The following PREX2 variants were observed in gnomAD, a reference collection of about 807,000 sequenced individuals.
PREX2 encodes phosphatidylinositol-3,4,5-trisphosphate dependent Rac exchange factor 2.
PREX2 carries 107 observed loss-of-function variants against 203.2 expected under a neutral mutation model. The ratio of observed to expected loss-of-function variants is 0.53; its 90% CI spans 0.45 to 0.62. The LOEUF (loss-of-function observed/expected upper bound fraction) is 0.62. PREX2 is among the 20% of genes least tolerant of loss of function. PREX2 has a pLI of 0.00. For missense variants in PREX2, 1,777 were observed against 1,955.9 expected (o/e 0.91, Z 1.72); for synonymous variants, 672 against 663.6 (o/e 1.01, Z -0.19).
intron 37 of PREX2, among the ~76,000 whole-genome samples, chr8:68,213,498 A>G (rs1423089498): frequency 2.6e-5 from 4 of 152,236 alleles, no homozygotes; most frequent in Non-Finnish European, 5.9e-5. Flanking sequence ...AATGTTTGGC[A>G]AAAGAATAAA....
intron 37 of PREX2, among the ~76,000 whole-genome samples, chr8:68,193,068 C>T (rs1471535510): frequency 6.6e-6 from 1 of 152,116 alleles, no homozygotes; most frequent in Non-Finnish European, 1.5e-5. Flanking sequence ...TTATCTTAGG[C>T]AACTGTGGTC....
chr8:68,031,885 G>T (rs900192928), intron 6 of PREX2, among the ~76,000 whole-genome samples: 3 of 152,184 alleles, frequency 2.0e-5, no homozygotes, highest in Non-Finnish European at 4.4e-5. Context: ...GCTTTAAATT[G>T]CAGAATTTGT....
intron 19 of PREX2, among the ~76,000 whole-genome samples, chr8:68,088,706 GGATA>G (rs1809775951): frequency 6.6e-6 from 1 of 152,076 alleles, no homozygotes; most frequent in Admixed American, 6.6e-5. Flanking sequence ...ACATATAGAT[GGATA>G]GACAGTTAAA....
intron 1 of PREX2, among the ~76,000 whole-genome samples, chr8:67,990,791 G>A (rs1422692568): frequency 1.3e-5 from 2 of 151,994 alleles, no homozygotes; most frequent in Non-Finnish European, 2.9e-5. Context: ...GATTACAGGC[G>A]TGAGCCACCG....
intron 1 of PREX2, among the ~76,000 whole-genome samples, chr8:67,994,843 AG>A (rs36020491): frequency 1.3e-5 from 2 of 152,202 alleles, no homozygotes; most frequent in African/African-American, 4.8e-5. Flanking sequence ...TGTAAAATCC[AG>A]GGGAAATATG....
At chr8:68,228,977 A>C (rs895028106) in intron 39 of PREX2, among the ~76,000 whole-genome samples, 3 of 151,308 alleles carry the variant, frequency 2.0e-5, no homozygotes, top group African/African-American at 7.3e-5. Flanking sequence ...AGAAAGAAAA[A>C]AATGGCTATG....
At chr8:68,131,290 G>T (rs193072349) in intron 31 of PREX2, among the ~76,000 whole-genome samples, 1 of 152,176 alleles carries the variant, frequency 6.6e-6, no homozygotes, top group African/African-American at 2.4e-5. Context: ...TGAGATGATG[G>T]TTTGTAAAAA....
In PREX2 at chr8:67,976,646, G is replaced by GAGAGAGAGAGAC. The variant is rs796931136; in HGVS notation, c.141+24112_141+24123dup. 2.9e-5 allele frequency among the ~76,000 whole-genome samples: 3 copies of GAGAGAGAGAGAC among 105,174 alleles called. 1 individual carries two copies. The allele number at this position is 105,174 out of a possible 152,430, so 69.0% of individuals were successfully genotyped here. A position where few individuals can be genotyped will look rare whatever the true frequency, so the allele number is the denominator to read the frequency against. ...GAGAGAGAGAGACGGGAGAGAGACA[G>GAGAGAGAGAGAC]AGAGAGAGAGACGGGAGAGAGACAG... On this transcript the variant is annotated intron_variant, in intron 1 of 39. Transcript: ENST00000288368.
At chr8:68,134,385 G>A in intron 32 of PREX2, 109 bp downstream of exon 32, 1 of 855,352 alleles carries the variant, frequency 1.2e-6, no homozygotes, top group Non-Finnish European at 1.8e-6. Context: ...CTCTATGAAT[G>A]TGCGTGCATT....
intron 4 of PREX2, among the ~76,000 whole-genome samples, chr8:68,022,428 C>T (rs1455480771): frequency 6.6e-6 from 1 of 152,052 alleles, no homozygotes; most frequent in African/African-American, 2.4e-5. Flanking sequence ...TGCTTTATAG[C>T]CCCAGTTCCC....
chr8:68,079,572 C>T (rs947179190), intron 15 of PREX2, among the ~76,000 whole-genome samples: 2 of 110,866 alleles, frequency 1.8e-5, no homozygotes, highest in Admixed American at 8.5e-5. Context: ...TTCTGCTGTG[C>T]CCTGGGATCA....
chr8:68,044,138 T>G (rs936269213), intron 7 of PREX2, among the ~76,000 whole-genome samples: 9 of 152,086 alleles, frequency 5.9e-5, no homozygotes, highest in Non-Finnish European at 1.5e-5. Flanking sequence ...TGAAAGAAAC[T>G]CAAATGAAAT....
intron 11 of PREX2, among the ~76,000 whole-genome samples, chr8:68,064,944 C>A (rs1292814228): frequency 1.3e-5 from 2 of 152,106 alleles, no homozygotes; most frequent in African/African-American, 4.8e-5. Flanking sequence ...ACCTAGAGAG[C>A]CAGTTGTTAA....
chr8:68,173,439 A>G (rs1384632058), intron 35 of PREX2, among the ~76,000 whole-genome samples: 4 of 152,184 alleles, frequency 2.6e-5, no homozygotes, highest in African/African-American at 9.6e-5. Context: ...GTATAATTCT[A>G]TGAAACCTTG....
intron 35 of PREX2, among the ~76,000 whole-genome samples, chr8:68,168,971 A>G (rs943607013): frequency 2.0e-5 from 3 of 151,606 alleles, no homozygotes; most frequent in African/African-American, 4.9e-5. Context: ...TGTTTAGATT[A>G]TAAGTTTCAG....
chr8:68,091,594 C>T (rs1809875878), intron 20 of PREX2, among the ~76,000 whole-genome samples: 1 of 152,090 alleles, frequency 6.6e-6, no homozygotes, highest in African/African-American at 2.4e-5. Flanking sequence ...AATAACTGAT[C>T]AGTTTTACTT....
intron 1 of PREX2, among the ~76,000 whole-genome samples, chr8:68,008,158 T>C (rs1271435615): frequency 1.3e-5 from 2 of 152,200 alleles, no homozygotes; most frequent in Admixed American, 1.3e-4. Context: ...CTGGACTGCC[T>C]GTTGTCCCAA....
At chr8:68,111,913 C>T (rs1191991054) in intron 25 of PREX2, among the ~76,000 whole-genome samples, 2 of 152,110 alleles carry the variant, frequency 1.3e-5, no homozygotes, top group East Asian at 3.9e-4. Flanking sequence ...AAGCAGATCT[C>T]GGATGTGTTG....
In PREX2 at chr8:68,118,615, C is replaced by T. The variant is rs150128151; in HGVS notation, c.3392C>T (p.Ser1131Leu). 18 of 1,613,842 alleles carry T rather than the reference C, an allele frequency of 1.1e-5. No individual in the cohort carries two copies. In the African/African-American group the frequency reaches 1.7e-4, roughly 16 times the overall value. Residue 1131 changes from serine to leucine, a missense_variant, in exon 27 of 40, where the codon TCG (serine) becomes TTG (leucine). Ser to Leu is a moderately radical substitution (Grantham distance 145). Transcript: ENST00000288368. ...AGCATCTGCAGCAGCCAGTGCAGCT[C>T]GTATTTCCACAGTGATGAAATGGAC... ...FTSICSSQCS[S>L]YFHSDEMDSG...
Sources: gnomAD v4.1 joint callset for allele counts (sites outside exome capture counted in the v4.1 genomes callset) on GRCh38, gnomAD v4.1.1 for gene constraint, MANE v1.5 for transcripts, NCBI Gene and HGNC (gene_info 2026-07-23, HGNC 2026-07-21) for gene names.